STOM: variants seen among roughly 807,000 people sequenced by gnomAD.
STOM encodes the protein stomatin.
STOM carries 25 observed loss-of-function variants against 30.6 expected under a neutral mutation model. The observed-to-expected ratio is 0.82, with a 90% confidence interval of 0.60 to 1.14. STOM has a LOEUF of 1.14. Ranked by LOEUF, STOM falls within the 50% of genes most tolerant of loss-of-function variation. The pLI is 0.00. For synonymous variants in STOM, 118 were observed against 130.8 expected (o/e 0.90, Z 0.67); for missense variants, 292 against 365.2 (o/e 0.80, Z 1.63).
At chr9:121,362,298 A>G (rs925876250) in intron 1 of STOM, among the ~76,000 whole-genome samples, 1 of 152,190 alleles carries the variant, frequency 6.6e-6, no homozygotes, top group Admixed American at 6.5e-5. Flanking sequence ...GCCTTGATAT[A>G]CGTCTTTTAA....
Position 121,340,219 on chromosome 9 carries a change from A to G in STOM, c.*983T>C, listed in dbSNP as rs2064233819. ...ACAAGGAGGAATCATTTACTCATAA[A>G]GAAGGCTCAAATAAGTTAAAACATG... is the stretch of plus-strand genomic sequence containing the variant. On this transcript the variant is annotated 3_prime_UTR_variant, in exon 7 of 7. Coordinates refer to ENST00000286713, the MANE Select transcript of STOM (RefSeq NM_004099.6). The G allele has an allele frequency of 1.0e-6, 1 of 985,472 alleles. No individual in the cohort carries two copies. The highest frequency in any genetic ancestry group is 1.2e-6 in the Non-Finnish European group (1 of 829,934). The allele number at this position is 985,472 out of a possible 1,614,324, so 61.0% of individuals were successfully genotyped here.
intron 6 of STOM, among the ~76,000 whole-genome samples, chr9:121,346,243 G>C (rs974583447): frequency 2.0e-5 from 3 of 152,216 alleles, no homozygotes; most frequent in Admixed American, 1.3e-4. Context: ...ACCCACCTCA[G>C]CCTCCCAAAG....
chr9:121,342,238 C>T (rs1174887828), intron 6 of STOM, among the ~76,000 whole-genome samples: 2 of 152,034 alleles, frequency 1.3e-5, no homozygotes, highest in South Asian at 2.1e-4. Context: ...GGCGTTGTGG[C>T]AAGCACCTGT....
At chr9:121,365,017 C>T (rs572351765) in intron 1 of STOM, among the ~76,000 whole-genome samples, 2 of 152,224 alleles carry the variant, frequency 1.3e-5, no homozygotes, top group South Asian at 2.1e-4. Context: ...AGAGTACCTC[C>T]TCAGGTTAGT....
intron 1 of STOM, among the ~76,000 whole-genome samples, chr9:121,361,451 A>T (rs967584814): frequency 5.3e-5 from 7 of 130,966 alleles, no homozygotes; most frequent in African/African-American, 2.0e-4. Flanking sequence ...TGCAGTGGCG[A>T]GATCTCGGCT....
intron 1 of STOM, among the ~76,000 whole-genome samples, chr9:121,364,153 G>A (rs1370721734): frequency 6.6e-6 from 1 of 152,174 alleles, no homozygotes; most frequent in Non-Finnish European, 1.5e-5. Context: ...AAAGCTAGAA[G>A]TGAGAAAGAG....
chr9:121,348,580 C>T (rs1412115188), intron 5 of STOM, among the ~76,000 whole-genome samples: 1 of 152,246 alleles, frequency 6.6e-6, no homozygotes, highest in Non-Finnish European at 1.5e-5. Flanking sequence ...TGTGCTTCAA[C>T]TTCCTCCCTT....
In STOM at chr9:121,341,052, C is replaced by G. The variant is rs964960335; in HGVS notation, c.*150G>C. 6.9e-7 allele frequency: 1 copy of G among 1,456,750 alleles called. No individual in the cohort carries two copies. Among genetic ancestry groups the G allele is most frequent in the Non-Finnish European group, 9.0e-7 (1 of 1,108,180 alleles). The allele number at this position is 1,456,750 out of a possible 1,614,324, so 90.2% of individuals were successfully genotyped here. A position where few individuals can be genotyped will look rare whatever the true frequency, so the allele number is the denominator to read the frequency against. ...CAATCTCTCAGTATTTACAAGCTAA[C>G]AATTCTTTCACCTATTTTTATAACT... On this transcript the variant is annotated 3_prime_UTR_variant, in exon 7 of 7. Transcript: ENST00000286713.
chr9:121,340,681 C>T lies in STOM; in HGVS notation c.*521G>A, dbSNP rs1387717014. The T allele has an allele frequency of 4.5e-6, 4 of 880,284 alleles. No individual in the cohort carries two copies. The highest frequency in any genetic ancestry group is 1.9e-5 in the African/African-American group (1 of 54,042). The allele number at this position is 880,284 out of a possible 1,614,324, so 54.5% of individuals were successfully genotyped here. A position where few individuals can be genotyped will look rare whatever the true frequency, so the allele number is the denominator to read the frequency against. ...AGGAGAATCTCTTGAACCCAGGAGG[C>T]GGAGGTTGCAGTGAGCCGAGATCAT... On this transcript the variant is annotated 3_prime_UTR_variant, in exon 7 of 7. Coordinates refer to ENST00000286713, the MANE Select transcript of STOM (RefSeq NM_004099.6).
In STOM at chr9:121,340,032, T is replaced by G. The variant is rs1564625739; in HGVS notation, c.*1170A>C. On this transcript the variant is annotated 3_prime_UTR_variant, in exon 7 of 7. Coordinates refer to ENST00000286713, the MANE Select transcript of STOM (RefSeq NM_004099.6). ...TGAAGTTATCTCTTAAAAAAGTATT[T>G]TAGTCCTTCAGCTATTCAAATAGAT... is the stretch of plus-strand genomic sequence containing the variant. 1 of 980,982 alleles carries G rather than the reference T, an allele frequency of 1.0e-6. No individual in the cohort carries two copies. Among genetic ancestry groups the G allele is most frequent in the South Asian group, 4.7e-5 (1 of 21,150 alleles). The allele number at this position is 980,982 out of a possible 1,614,324, so 60.8% of individuals were successfully genotyped here.
At position 121,354,449 on chromosome 9, in the gene STOM, G is replaced by A. The variant is rs146968700; in HGVS notation, c.238+152C>T. On this transcript the variant is annotated intron_variant, in intron 3 of 6. Transcript: ENST00000286713. ...GTGGGATGATTGCTTGAGGTCAGGA[G>A]TTCAAGGCTGCAGTGAGACATGAGC... The A allele has an allele frequency of 1.8e-3, 1,033 of 560,262 alleles. 12 individuals are homozygous for A. Among genetic ancestry groups the A allele is most frequent in the African/African-American group, 0.018 (939 of 51,764 alleles). The allele number at this position is 560,262 out of a possible 1,614,324, so 34.7% of individuals were successfully genotyped here.
intron 1 of STOM, among the ~76,000 whole-genome samples, chr9:121,365,491 TCC>T (rs199790291): frequency 2.1e-5 from 3 of 144,698 alleles, no homozygotes; most frequent in African/African-American, 7.7e-5. Context: ...TTTTTTTTTT[TCC>T]CAGCTCTTTT....
At chr9:121,365,931 T>C (rs950626600) in intron 1 of STOM, among the ~76,000 whole-genome samples, 3 of 152,192 alleles carry the variant, frequency 2.0e-5, no homozygotes, top group Non-Finnish European at 4.4e-5. Context: ...AAATATCAAC[T>C]AACAATCTGC....
Position 121,341,121 on chromosome 9 carries a change from A to G in STOM, c.*81T>C. 1 of 1,590,532 alleles carries G rather than the reference A, an allele frequency of 6.3e-7. No individual in the cohort carries two copies. Among genetic ancestry groups the G allele is most frequent in the South Asian group, 1.1e-5 (1 of 89,344 alleles). Reference sequence around the variant, plus strand: ...ACCACAATTGACATATGGAAAAAGAAAAGCCCTACCCTCTCTTTATGAGTT... The same window carrying G: ...ACCACAATTGACATATGGAAAAAGAGAAGCCCTACCCTCTCTTTATGAGTT... On this transcript the variant is annotated 3_prime_UTR_variant, in exon 7 of 7. Transcript: ENST00000286713.
Position 121,341,137 on chromosome 9 carries a change from T to C in STOM, c.*65A>G. 1 of 1,607,924 alleles carries C rather than the reference T, an allele frequency of 6.2e-7. No homozygotes were observed. The highest frequency in any genetic ancestry group is 2.2e-5 in the East Asian group (1 of 44,748). ...GGAAAAAGAAAAGCCCTACCCTCTC[T>C]TTATGAGTTAAAGGCTAATTTGGTC... On this transcript the variant is annotated 3_prime_UTR_variant, in exon 7 of 7. Transcript: ENST00000286713.
At chr9:121,366,876 C>A (rs971120740) in intron 1 of STOM, among the ~76,000 whole-genome samples, 1 of 151,386 alleles carries the variant, frequency 6.6e-6, no homozygotes, top group Non-Finnish European at 1.5e-5. Context: ...TCGCTTGAGT[C>A]CAGGAGTTCG....
intron 3 of STOM, among the ~76,000 whole-genome samples, chr9:121,354,304 A>T (rs1452696006): frequency 1.3e-5 from 2 of 152,212 alleles, no homozygotes; most frequent in Admixed American, 1.3e-4. Context: ...CTCCTGCTAC[A>T]TGAACTCTTA....
At chr9:121,358,459 A>C (rs990633567) in intron 1 of STOM, among the ~76,000 whole-genome samples, 2 of 151,276 alleles carry the variant, frequency 1.3e-5, no homozygotes, top group Non-Finnish European at 1.5e-5. Flanking sequence ...GAAAGAAAGA[A>C]AGAAAAGGAA....
At chr9:121,361,380 CTTTTTTTTTTTT>C (rs5900482) in intron 1 of STOM, among the ~76,000 whole-genome samples, 7 of 41,082 alleles carry the variant, frequency 1.7e-4, no homozygotes, top group African/African-American at 6.0e-4. Context: ...CACTTGTGGA[CTTTTTTTTTTTT>C]TTTTTTTTTT....
Sources: allele counts gnomAD v4.1 joint callset (sites outside exome capture counted in the v4.1 genomes callset), GRCh38; gene constraint gnomAD v4.1.1; transcripts MANE v1.5; gene names NCBI Gene and HGNC (gene_info 2026-07-23, HGNC 2026-07-21).